The following KLF12 variants were observed in gnomAD, a reference collection of about 807,000 sequenced individuals.
The protein encoded by KLF12 is KLF transcription factor 12, also known as Krueppel-like factor 12.
In KLF12, 9 loss-of-function variants were observed where a neutral mutation model predicts 37.8. That is an observed-to-expected ratio of 0.24 (90% CI 0.14 to 0.42). The LOEUF is 0.42. Ranked by LOEUF, KLF12 falls within the 10% of genes least tolerant of loss-of-function variation. The probability of loss-of-function intolerance (pLI) is 1.00; values close to 1 mark genes in which losing one functional copy is unlikely to be tolerated. For synonymous variants in KLF12, 208 were observed against 202.1 expected, an observed-to-expected ratio of 1.03 and a Z score of -0.25; for missense variants, 411 against 516.0, an observed-to-expected ratio of 0.80 and a Z score of 1.97.
chr13:73,891,714 CT>C (rs1887515563), intron 3 of KLF12, among the ~76,000 whole-genome samples: 1 of 149,566 alleles, frequency 6.7e-6, no homozygotes, highest in South Asian at 2.1e-4. Context: ...CAATTTTTGT[CT>C]TCTTCTAAAG....
At chr13:74,125,166 T>A (rs7982069) in intron 1 of KLF12, among the ~76,000 whole-genome samples, 1 of 138,804 alleles carries the variant, frequency 7.2e-6, no homozygotes, top group Non-Finnish European at 1.5e-5. Context: ...TATATATATA[T>A]ACACACACAC....
chr13:73,903,981 C>T (rs572999697), intron 3 of KLF12, among the ~76,000 whole-genome samples: 26 of 152,262 alleles, frequency 1.7e-4, no homozygotes, highest in Middle Eastern at 3.4e-3. Context: ...TAAAACTGGG[C>T]CCTGGTGCCA....
chr13:73,805,445 T>A (rs1053412302), intron 5 of KLF12, among the ~76,000 whole-genome samples: 4 of 151,710 alleles, frequency 2.6e-5, no homozygotes, highest in African/African-American at 4.8e-5. Flanking sequence ...TATGGCAAAA[T>A]TCTGTCTACT....
intron 3 of KLF12, among the ~76,000 whole-genome samples, chr13:73,896,396 G>A (rs1215026475): frequency 6.6e-6 from 1 of 152,072 alleles, no homozygotes; most frequent in Admixed American, 6.6e-5. Flanking sequence ...GGAAATGTAG[G>A]GGACTTTCTG....
the KLF12 span, among the ~76,000 whole-genome samples, chr13:74,266,349 C>G: frequency 6.6e-6 from 1 of 152,162 alleles, no homozygotes; most frequent in East Asian, 1.9e-4. Flanking sequence ...AAATACCTGG[C>G]ATTATGATCT....
the KLF12 span, among the ~76,000 whole-genome samples, chr13:74,163,333 G>T: frequency 6.6e-6 from 1 of 152,130 alleles, no homozygotes; most frequent in African/African-American, 2.4e-5. Flanking sequence ...AATCATATCT[G>T]TTTATCAACA....
intron 3 of KLF12, among the ~76,000 whole-genome samples, chr13:73,868,365 A>G (rs1469013632): frequency 6.7e-6 from 1 of 150,126 alleles, no homozygotes; most frequent in African/African-American, 2.4e-5. Context: ...GCCTACAGAC[A>G]TTATAAAAAT....
At chr13:74,077,208 C>G (rs1226642624) in intron 1 of KLF12, among the ~76,000 whole-genome samples, 1 of 152,144 alleles carries the variant, frequency 6.6e-6, no homozygotes, top group Non-Finnish European at 1.5e-5. Context: ...CTTTAGCTCT[C>G]TGAAAAATTG....
chr13:74,078,387 A>C (rs1037783120), intron 1 of KLF12, among the ~76,000 whole-genome samples: 2 of 152,220 alleles, frequency 1.3e-5, no homozygotes, highest in Non-Finnish European at 2.9e-5. Flanking sequence ...ATTACTAAAA[A>C]TGTTTTCATC....
chr13:73,994,804 T>C (rs1892063248), intron 2 of KLF12, among the ~76,000 whole-genome samples, 186 bp downstream of exon 2: 1 of 152,206 alleles, frequency 6.6e-6, no homozygotes, highest in East Asian at 1.9e-4. Context: ...AATGAGGAGT[T>C]GCTTCCATAT....
At chr13:74,266,084 A>G in the KLF12 span, among the ~76,000 whole-genome samples, 1 of 152,208 alleles carries the variant, frequency 6.6e-6, no homozygotes, top group African/African-American at 2.4e-5. Flanking sequence ...TCACTAACTC[A>G]TATCAACAGA....
At chr13:74,261,384 G>A in the KLF12 span, among the ~76,000 whole-genome samples, 69 of 152,132 alleles carry the variant, frequency 4.5e-4, no homozygotes, top group East Asian at 0.012. Context: ...CTAAACAGAA[G>A]CATGAAAATA....
chr13:73,747,294 T>C (rs1415536339), intron 6 of KLF12, among the ~76,000 whole-genome samples: 1 of 152,156 alleles, frequency 6.6e-6, no homozygotes, highest in Non-Finnish European at 1.5e-5. Flanking sequence ...GAACCCAGGC[T>C]GCCATCAGCA....
chr13:74,251,623 A>G, the KLF12 span, among the ~76,000 whole-genome samples: 10 of 151,724 alleles, frequency 6.6e-5, no homozygotes, highest in African/African-American at 2.4e-4. Flanking sequence ...ATCCTCCCTC[A>G]TCTTCCTACC....
intron 3 of KLF12, among the ~76,000 whole-genome samples, chr13:73,853,507 CCAG>C (rs1192776457): frequency 6.6e-6 from 1 of 152,048 alleles, no homozygotes; most frequent in Non-Finnish European, 1.5e-5. Flanking sequence ...AAGGCTGAGG[CCAG>C]CAGATCATCT....
intron 5 of KLF12, 113 bp downstream of exon 5, chr13:73,813,039 C>T (rs371289465): frequency 2.7e-5 from 29 of 1,093,574 alleles, no homozygotes; most frequent in Admixed American, 4.5e-5. Context: ...TGCTGACATT[C>T]GTGCCAGTTC....
the KLF12 span, among the ~76,000 whole-genome samples, chr13:74,180,033 C>A: frequency 6.6e-6 from 1 of 152,130 alleles, no homozygotes; most frequent in African/African-American, 2.4e-5. Context: ...ATGATAAAGA[C>A]GTCTTCACTT....
the KLF12 span, among the ~76,000 whole-genome samples, chr13:74,191,384 G>A: frequency 6.6e-6 from 1 of 152,122 alleles, no homozygotes; most frequent in Admixed American, 6.6e-5. Flanking sequence ...AATGCCCAAA[G>A]CCCTGAAAAA....
chr13:74,018,741 T>C (rs1013353167), intron 1 of KLF12, among the ~76,000 whole-genome samples: 2 of 152,186 alleles, frequency 1.3e-5, no homozygotes, highest in African/African-American at 4.8e-5. Context: ...TAAATCTATA[T>C]ATATATAATT....
Sources: gnomAD v4.1 joint callset for allele counts (sites outside exome capture counted in the v4.1 genomes callset) on GRCh38, gnomAD v4.1.1 for gene constraint, MANE v1.5 for transcripts, NCBI Gene and HGNC (gene_info 2026-07-23, HGNC 2026-07-21) for gene names.